Variants in AGMO observed in about 807,000 individuals in gnomAD.
AGMO encodes the protein glyceryl-ether monooxygenase.
AGMO carries 75 observed loss-of-function variants against 60.2 expected under a neutral mutation model. The ratio of observed to expected loss-of-function variants is 1.25; its 90% CI spans 1.03 to 1.51. The LOEUF is 1.51. Ranked by LOEUF, AGMO falls within the 40% of genes most tolerant of loss-of-function variation. AGMO has a pLI of 0.00. For missense variants in AGMO, 763 were observed against 525.5 expected, an observed-to-expected ratio of 1.45 and a Z score of -4.42; for synonymous variants, 261 against 177.1, an observed-to-expected ratio of 1.47 and a Z score of -3.76.
chr7:15,128,897 G>C, the AGMO span, among the ~76,000 whole-genome samples: 1 of 152,082 alleles, frequency 6.6e-6, no homozygotes, highest in Non-Finnish European at 1.5e-5. Flanking sequence ...TAGCTAGGGA[G>C]TCAGCCAATG....
the AGMO span, among the ~76,000 whole-genome samples, chr7:15,185,627 A>G: frequency 6.6e-6 from 1 of 152,022 alleles, no homozygotes; most frequent in Non-Finnish European, 1.5e-5. Flanking sequence ...CCAGGTGTCA[A>G]CCAGAAGGAG....
the AGMO span, among the ~76,000 whole-genome samples, chr7:15,179,143 CCTT>C: frequency 6.6e-6 from 1 of 152,118 alleles, no homozygotes; most frequent in African/African-American, 2.4e-5. Flanking sequence ...AAACTCATGT[CCTT>C]CTCACCTATA....
chr7:15,529,642 A>AGTATATATATTCTG (rs74184358), intron 3 of AGMO, among the ~76,000 whole-genome samples: 3 of 21,712 alleles, frequency 1.4e-4, no homozygotes, highest in South Asian at 1.3e-3. Flanking sequence ...GAATATATAT[A>AGTATATATATTCTG]TATACTATAT....
In AGMO at chr7:15,342,904, A is replaced by G. The variant is rs74753825; in HGVS notation, c.1263+22610T>C. On this transcript the variant is annotated intron_variant, in intron 12 of 12. Coordinates refer to ENST00000342526, the MANE Select transcript of AGMO (RefSeq NM_001004320.2). ...TATCCTCATTTGAGAAGTGTGGTTA[A>G]TAATAGGTACTAAAAGGCTTCTCTG... Among the ~76,000 whole-genome samples the G allele has an allele frequency of 4.0e-3, 602 of 151,818 alleles. 1 individual carries two copies. The highest frequency in any genetic ancestry group is 0.014 in the African/African-American group (587 of 41,442).
chr7:15,363,412 TTC>T (rs969809224), intron 12 of AGMO, among the ~76,000 whole-genome samples: 12 of 152,288 alleles, frequency 7.9e-5, no homozygotes, highest in African/African-American at 2.6e-4. Flanking sequence ...CTTACACATA[TTC>T]TCTTATTTAA....
chr7:15,377,777 A>G (rs1397682442), intron 10 of AGMO, among the ~76,000 whole-genome samples: 1 of 152,042 alleles, frequency 6.6e-6, no homozygotes, highest in East Asian at 1.9e-4. Context: ...TGGGGAGAAC[A>G]TATTAAGTTA....
At chr7:15,248,207 T>TAC (rs1782817247) in intron 12 of AGMO, among the ~76,000 whole-genome samples, 3 of 99,224 alleles carry the variant, frequency 3.0e-5, no homozygotes, top group Non-Finnish European at 6.3e-5. Flanking sequence ...TATATATATA[T>TAC]ATATATATAT....
At chr7:15,553,187 G>C (rs1412286635) in intron 2 of AGMO, among the ~76,000 whole-genome samples, 4 of 151,456 alleles carry the variant, frequency 2.6e-5, no homozygotes, top group Non-Finnish European at 4.4e-5. Context: ...GGGCGGAGGG[G>C]GGAGGGATAG....
chr7:15,471,628 T>C (rs547796621), intron 3 of AGMO, among the ~76,000 whole-genome samples: 94 of 152,016 alleles, frequency 6.2e-4, no homozygotes, highest in Non-Finnish European at 1.0e-3. Context: ...GCTTTGTGAT[T>C]AATGAGGTGA....
At chr7:15,485,469 C>T (rs1782892963) in intron 3 of AGMO, among the ~76,000 whole-genome samples, 1 of 152,148 alleles carries the variant, frequency 6.6e-6, no homozygotes, top group Non-Finnish European at 1.5e-5. Context: ...GTAGTCATGT[C>T]ATAAGCTTTT....
At chr7:15,223,480 T>G (rs1781983701) in intron 12 of AGMO, among the ~76,000 whole-genome samples, 1 of 151,990 alleles carries the variant, frequency 6.6e-6, no homozygotes, top group South Asian at 2.1e-4. Flanking sequence ...ATGAGGAAAC[T>G]AGGTAGATGC....
chr7:15,344,829 A>T (rs560649349), intron 12 of AGMO, among the ~76,000 whole-genome samples: 1 of 149,014 alleles, frequency 6.7e-6, no homozygotes, highest in Non-Finnish European at 1.5e-5. Context: ...TATATCCCTA[A>T]ACTTAAATAA....
At chr7:15,463,464 T>A (rs1782198398) in intron 3 of AGMO, among the ~76,000 whole-genome samples, 1 of 152,186 alleles carries the variant, frequency 6.6e-6, no homozygotes, top group Non-Finnish European at 1.5e-5. Context: ...CACACACATG[T>A]GCACGTACAC....
intron 3 of AGMO, among the ~76,000 whole-genome samples, chr7:15,528,531 T>C (rs1170492257): frequency 6.6e-6 from 1 of 152,060 alleles, no homozygotes; most frequent in Non-Finnish European, 1.5e-5. Flanking sequence ...TTAACCTCAA[T>C]CTAATCAATC....
intron 12 of AGMO, among the ~76,000 whole-genome samples, chr7:15,210,190 T>C (rs555579856): frequency 2.0e-5 from 3 of 152,298 alleles, no homozygotes; most frequent in South Asian, 2.1e-4. Flanking sequence ...GATTAAAGTG[T>C]GCACTTAATT....
chr7:15,552,331 A>C (rs1784989066), intron 2 of AGMO, among the ~76,000 whole-genome samples: 1 of 152,360 alleles, frequency 6.6e-6, no homozygotes, highest in African/African-American at 2.4e-5. Context: ...GGATCTAATT[A>C]AACTAAAGAG....
the AGMO span, among the ~76,000 whole-genome samples, chr7:15,192,360 GAGA>G: frequency 6.6e-6 from 1 of 151,984 alleles, no homozygotes; most frequent in Admixed American, 6.6e-5. Flanking sequence ...AAGGAGAGAA[GAGA>G]AGGAGCATCT....
In AGMO at chr7:15,273,651, C is replaced by G. The variant is rs553571013; in HGVS notation, c.1264-72292G>C. On this transcript the variant is annotated intron_variant, in intron 12 of 12. Transcript: ENST00000342526. Reference sequence around the variant, plus strand: ...AACTTTAAAGTAGTTTTTTCCAACTCTGTGAAGAAAGTCACTGGTAGGTTG... The same window carrying G: ...AACTTTAAAGTAGTTTTTTCCAACTGTGTGAAGAAAGTCACTGGTAGGTTG... 2.6e-5 allele frequency among the ~76,000 whole-genome samples: 4 copies of G among 152,228 alleles called. No homozygotes were observed. The East Asian group carries it at 7.7e-4, about 29-fold the overall frequency.
rs1470648699 is a variant in AGMO at position 15,467,954 on chromosome 7, C to T, written c.410-36846G>A. Among the ~76,000 whole-genome samples, 7 of 152,122 alleles carry T rather than the reference C, an allele frequency of 4.6e-5. No individual in the cohort carries two copies. In the East Asian group the frequency reaches 1.2e-3, roughly 25 times the overall value. ...CCTCCCTGCCACCCTCCCAAACAAA[C>T]TCAACTTCCCCTTTGACCTCAGCAG... On this transcript the variant is annotated intron_variant, in intron 3 of 12. Coordinates refer to ENST00000342526, the MANE Select transcript of AGMO (RefSeq NM_001004320.2).
Sources: gnomAD v4.1 joint callset for allele counts (sites outside exome capture counted in the v4.1 genomes callset) on GRCh38, gnomAD v4.1.1 for gene constraint, MANE v1.5 for transcripts, NCBI Gene and HGNC (gene_info 2026-07-23, HGNC 2026-07-21) for gene names.